The following ARHGEF10L variants were observed in gnomAD, a reference collection of about 807,000 sequenced individuals.
ARHGEF10L encodes rho guanine nucleotide exchange factor 10-like protein.
A neutral mutation model predicts 141.2 loss-of-function variants in ARHGEF10L; 69 were observed. The observed-to-expected ratio is 0.49, with a 90% CI of 0.40 to 0.60. The LOEUF is 0.60. ARHGEF10L is among the 20% of genes least tolerant of loss of function. The pLI is 0.00. For synonymous variants in ARHGEF10L, 711 were observed against 718.5 expected (o/e 0.99, Z 0.17); for missense variants, 1,482 against 1,734.3 (o/e 0.85, Z 2.58).
intron 15 of ARHGEF10L, among the ~76,000 whole-genome samples, chr1:17,630,945 C>G (rs1301194000): frequency 6.6e-6 from 1 of 151,432 alleles, no homozygotes; most frequent in African/African-American, 2.4e-5. Context: ...TCTGGGGAGG[C>G]TCAGGGTGTT....
chr1:17,598,154 T>A (rs1570757611), intron 4 of ARHGEF10L, among the ~76,000 whole-genome samples: 1 of 150,296 alleles, frequency 6.7e-6, no homozygotes, highest in Admixed American at 6.7e-5. Flanking sequence ...CAGGCTGGAG[T>A]GCAGTGGCAC....
rs1057270476 is a variant in ARHGEF10L, at chr1:17,615,710, G to A, written c.727-384G>A. ...TATTGCTGTTCCTCAGTTTTGCCTG[G>A]GGAAATGGAGGCTCAGTGACGTTCA... is the stretch of plus-strand genomic sequence containing the variant. On this transcript the variant is annotated intron_variant, in intron 8 of 28. Transcript: ENST00000361221. The surrounding 1 kb of genome is among the most constrained non-coding windows in gnomAD (Gnocchi z 4.7). 1 of 175,546 alleles carries A rather than the reference G, an allele frequency of 5.7e-6. No homozygotes were observed. The highest frequency in any genetic ancestry group is 2.3e-5 in the African/African-American group (1 of 42,664). The allele number at this position is 175,546 out of a possible 1,614,324, so 10.9% of individuals were successfully genotyped here. A position where few individuals can be genotyped will look rare whatever the true frequency, so the allele number is the denominator to read the frequency against.
At chr1:17,609,186 C>G (rs2059414312) in intron 7 of ARHGEF10L, among the ~76,000 whole-genome samples, 1 of 152,218 alleles carries the variant, frequency 6.6e-6, no homozygotes, top group South Asian at 2.1e-4. Context: ...CAGTGCCTCC[C>G]ACCTTTTCTG....
At position 17,570,065 on chromosome 1, in the gene ARHGEF10L, C is replaced by A. The variant is rs537359292; in HGVS notation, c.-43-10488C>A. Among the ~76,000 whole-genome samples the A allele has an allele frequency of 1.4e-4, 22 of 152,266 alleles. No homozygotes were observed. In the South Asian group the frequency reaches 4.1e-3, roughly 29 times the overall value. ...GCAGGCTGGTTTCAGAAGGGAGGGGCCCAGCTGTGGCCGCCTCCTCCCCAG... is the reference window on the plus strand; with the variant it reads ...GCAGGCTGGTTTCAGAAGGGAGGGGACCAGCTGTGGCCGCCTCCTCCCCAG... On this transcript the variant is annotated intron_variant, in intron 1 of 28. Coordinates refer to ENST00000361221, the MANE Select transcript of ARHGEF10L (RefSeq NM_018125.4).
intron 8 of ARHGEF10L, among the ~76,000 whole-genome samples, chr1:17,614,741 G>T (rs1476366936): frequency 6.6e-6 from 1 of 152,176 alleles, no homozygotes; most frequent in Non-Finnish European, 1.5e-5. Flanking sequence ...CCGTAGAAAT[G>T]CAGGGCAGGC....
At chr1:17,676,972 C>T (rs114824407) in intron 26 of ARHGEF10L, among the ~76,000 whole-genome samples, 10 of 151,898 alleles carry the variant, frequency 6.6e-5, no homozygotes, top group Admixed American at 3.3e-4. Flanking sequence ...CCTCCTCCAT[C>T]GCACTCTCTG....
intron 15 of ARHGEF10L, among the ~76,000 whole-genome samples, chr1:17,631,248 G>C (rs939483751): frequency 6.6e-6 from 1 of 152,052 alleles, no homozygotes; most frequent in African/African-American, 2.4e-5. Context: ...AATGAATTTT[G>C]CTGAATATCC....
chr1:17,634,550 C>G lies in ARHGEF10L; in HGVS notation c.1733C>G (p.Pro578Arg), dbSNP rs1198402367. ...TTCCTTCTTGTCTTTTTTCCCAGGC[C>G]TGCCAACCACAGGTACGTGGTTCAG... ...MLVCANINFK[P>R]ANHRGQLEIS... The change falls in exon 17 of 29, where the codon CCT (proline) becomes CGT (arginine). Residue 578 changes from proline (P) to arginine (R), a missense_variant and splice_region_variant. Coordinates refer to ENST00000361221, the MANE Select transcript of ARHGEF10L (RefSeq NM_018125.4). The G allele has an allele frequency of 1.9e-6, 3 of 1,613,978 alleles. No homozygotes were observed. The highest frequency in any genetic ancestry group is 2.5e-6 in the Non-Finnish European group (3 of 1,179,996).
intron 26 of ARHGEF10L, among the ~76,000 whole-genome samples, chr1:17,664,804 A>G (rs756159850): frequency 2.6e-5 from 4 of 152,216 alleles, no homozygotes; most frequent in Non-Finnish European, 5.9e-5. Flanking sequence ...CCAAGAACAG[A>G]AAGTGCCCAG....
chr1:17,593,469 G>A (rs978454672), intron 4 of ARHGEF10L, among the ~76,000 whole-genome samples: 6 of 152,172 alleles, frequency 3.9e-5, no homozygotes, highest in Non-Finnish European at 1.5e-5. Flanking sequence ...TGGGCCCAGT[G>A]GCACCACAAG....
chr1:17,609,510 G>A (rs774176813), intron 7 of ARHGEF10L, among the ~76,000 whole-genome samples: 5 of 152,134 alleles, frequency 3.3e-5, no homozygotes, highest in South Asian at 2.1e-4. Flanking sequence ...GAACCTTTAC[G>A]GTCCATAGGA....
chr1:17,528,575 A>T, the ARHGEF10L span, among the ~76,000 whole-genome samples: 2 of 151,866 alleles, frequency 1.3e-5, no homozygotes, highest in East Asian at 3.9e-4. Context: ...CCAGCCATCC[A>T]TCCTCCATCC....
intron 4 of ARHGEF10L, 141 bp from the exon 5 acceptor site, chr1:17,601,986 C>A: frequency 1.4e-6 from 1 of 693,228 alleles, no homozygotes. Context: ...TTGTCTGAGG[C>A]CAACTCCACC....
At chr1:17,544,405 A>G (rs1476690874) in intron 1 of ARHGEF10L, among the ~76,000 whole-genome samples, 1 of 150,638 alleles carries the variant, frequency 6.6e-6, no homozygotes, top group Non-Finnish European at 1.5e-5. Flanking sequence ...AGCGATTCTC[A>G]TGCCTCAGCC....
intron 4 of ARHGEF10L, among the ~76,000 whole-genome samples, chr1:17,601,048 T>G (rs1299936214): frequency 1.3e-5 from 1 of 75,818 alleles, no homozygotes; most frequent in African/African-American, 5.1e-5. Context: ...AGGCTCTGTC[T>G]CAAAAAAAAA....
At chr1:17,597,134 C>T (rs2080188573) in intron 4 of ARHGEF10L, among the ~76,000 whole-genome samples, 1 of 152,174 alleles carries the variant, frequency 6.6e-6, no homozygotes. Context: ...CTGCCTTTTC[C>T]TCCCCATCTC....
rs921216493 is a variant in ARHGEF10L, at chr1:17,640,076, G to A, written c.2172-126G>A. The A allele has an allele frequency of 8.8e-6, 13 of 1,483,454 alleles. No homozygotes were observed. The African/African-American group carries it at 1.4e-4, about 16-fold the overall frequency. The allele number at this position is 1,483,454 out of a possible 1,614,324, so 91.9% of individuals were successfully genotyped here. A position where few individuals can be genotyped will look rare whatever the true frequency, so the allele number is the denominator to read the frequency against. The stretch of plus-strand genomic sequence containing the variant: ...ACTGACCTCTTTGGCCACGTTTTGG[G>A]GATGCTCTGACCAGACCTCCTTGAT... On this transcript the variant is annotated intron_variant, in intron 20 of 28. Coordinates refer to ENST00000361221, the MANE Select transcript of ARHGEF10L (RefSeq NM_018125.4).
intron 21 of ARHGEF10L, among the ~76,000 whole-genome samples, chr1:17,646,527 G>A (rs138904810): frequency 1.2e-4 from 18 of 152,296 alleles, no homozygotes; most frequent in Non-Finnish European, 2.5e-4. Flanking sequence ...GGCCTTCATA[G>A]AACACTGGCA....
At chr1:17,638,348 A>G (rs1234765532) in intron 19 of ARHGEF10L, among the ~76,000 whole-genome samples, 1 of 152,172 alleles carries the variant, frequency 6.6e-6, no homozygotes, top group African/African-American at 2.4e-5. Context: ...TCCCTCTCAG[A>G]GGAGGGCTCC....
Sources: gnomAD v4.1 joint callset for allele counts (sites outside exome capture counted in the v4.1 genomes callset) on GRCh38, gnomAD v4.1.1 for gene constraint, Gnocchi (gnomAD v3.1) non-coding constraint, MANE v1.5 for transcripts, NCBI Gene and HGNC (gene_info 2026-07-23, HGNC 2026-07-21) for gene names.